PRKAB1: variants seen among roughly 807,000 people sequenced by gnomAD.
The protein encoded by PRKAB1 is protein kinase AMP-activated non-catalytic subunit beta 1.
PRKAB1 carries 18 observed loss-of-function variants against 32.0 expected under a neutral mutation model. The ratio of observed to expected loss-of-function variants is 0.56; its 90% confidence interval spans 0.39 to 0.83. The LOEUF (loss-of-function observed/expected upper bound fraction) is 0.83, where lower values mean the gene tolerates loss of function less well. PRKAB1 is among the 40% of genes least tolerant of loss of function. PRKAB1 has a pLI of 0.00. For synonymous variants in PRKAB1, 141 were observed against 141.4 expected (o/e 1.00, Z 0.02); for missense variants, 263 against 352.6 (o/e 0.75, Z 2.03).
At chr12:119,673,444 C>G (rs531850689) in intron 2 of PRKAB1, among the ~76,000 whole-genome samples, 2 of 152,288 alleles carry the variant, frequency 1.3e-5, no homozygotes, top group East Asian at 3.9e-4. Flanking sequence ...GAGGGAGCCA[C>G]TCAGCACAGC....
chr12:119,675,355 C>T (rs1358356281), intron 4 of PRKAB1, among the ~76,000 whole-genome samples: 1 of 152,212 alleles, frequency 6.6e-6, no homozygotes, highest in African/African-American at 2.4e-5. Flanking sequence ...TCACAATGGG[C>T]TCACTGTGGT....
At position 119,680,532 on chromosome 12, in the gene PRKAB1, C is replaced by T. The variant is rs149235507; in HGVS notation, c.*207C>T. ...TCTGTGACAGTCCTCCTAGCACCCC[C>T]ATGGCTTTGAGCCTCGGGGACTCAT... On this transcript the variant is annotated 3_prime_UTR_variant, in exon 7 of 7. Transcript: ENST00000229328. The T allele has an allele frequency of 6.8e-6, 4 of 591,912 alleles. No homozygotes were observed. Among genetic ancestry groups the T allele is most frequent in the African/African-American group, 5.6e-5 (3 of 53,944 alleles). The allele number at this position is 591,912 out of a possible 1,614,324, so 36.7% of individuals were successfully genotyped here.
intron 2 of PRKAB1, chr12:119,673,685 A>T (rs1184063144): frequency 3.4e-6 from 1 of 292,748 alleles, no homozygotes; most frequent in East Asian, 6.5e-5. Flanking sequence ...CTTGAGACGC[A>T]CAAATGCCTG....
intron 5 of PRKAB1, chr12:119,678,010 C>CAAAGT (rs1400480837): frequency 6.6e-6 from 1 of 152,132 alleles, no homozygotes; most frequent in Non-Finnish European, 1.5e-5. Context: ...GTGATCCACC[C>CAAAGT]GCCTCGGCCT....
chr12:119,676,122 G>A (rs903035624), intron 4 of PRKAB1, among the ~76,000 whole-genome samples: 2 of 152,236 alleles, frequency 1.3e-5, no homozygotes, highest in African/African-American at 4.8e-5. Flanking sequence ...GTTGCATTGC[G>A]GCCGGGGGTG....
In PRKAB1 at chr12:119,679,968, C is replaced by T. The variant is rs746058942; in HGVS notation, c.702C>T (p.Val234=). The change falls in exon 6 of 7, where the codon GTC becomes GTT. Residue 234 remains valine (V), a synonymous_variant. Transcript: ENST00000229328. The surrounding 1 kb of genome is among the most constrained non-coding windows in gnomAD (Gnocchi z 4.1). The part of the protein sequence containing the change: ...DPALLPEPNH[V]MLNHLYALSI... ...CTTTGCTTCCTGAGCCCAATCACGT[C>T]ATGCTGAACCACCTATACGCGCTGT... 2.2e-5 allele frequency: 35 copies of T among 1,614,018 alleles called. No individual in the cohort carries two copies. Among genetic ancestry groups the T allele is most frequent in the Non-Finnish European group, 2.8e-5 (33 of 1,179,960 alleles).
At chr12:119,671,069 A>G (rs1340850719) in intron 1 of PRKAB1, among the ~76,000 whole-genome samples, 1 of 152,200 alleles carries the variant, frequency 6.6e-6, no homozygotes, top group East Asian at 1.9e-4. Flanking sequence ...ATTCTGGAAT[A>G]CCTCAGTTAT....
chr12:119,668,068 C>T (rs1565874184), upstream of PRKAB1: 1 of 760,558 alleles, frequency 1.3e-6, no homozygotes, highest in Non-Finnish European at 1.9e-6. Flanking sequence ...TGCGAGAGCT[C>T]GGCAACCCTG....
At chr12:119,673,830 G>A (rs1056412290) in intron 2 of PRKAB1, 134 bp from the exon 3 acceptor site, 1 of 674,256 alleles carries the variant, frequency 1.5e-6, no homozygotes, top group African/African-American at 1.8e-5. Context: ...GTCTAAATGG[G>A]CTAAAAATGT....
intron 5 of PRKAB1, 25 bp downstream of exon 5, chr12:119,676,695 A>G: frequency 6.2e-7 from 1 of 1,610,786 alleles, no homozygotes; most frequent in South Asian, 1.1e-5. Context: ...ATCTGCCCGG[A>G]CCATCCGCCG....
At chr12:119,675,603 A>G (rs1482385433) in intron 4 of PRKAB1, among the ~76,000 whole-genome samples, 6 of 152,348 alleles carry the variant, frequency 3.9e-5, no homozygotes, top group South Asian at 2.1e-4. Flanking sequence ...CACTGATACG[A>G]AGCTAATTCC....
chr12:119,676,889 T>G (rs1955430268), intron 5 of PRKAB1, among the ~76,000 whole-genome samples: 1 of 152,212 alleles, frequency 6.6e-6, no homozygotes, highest in Non-Finnish European at 1.5e-5. Flanking sequence ...TGCACTACTC[T>G]TCCTTGTCCT....
intron 4 of PRKAB1, among the ~76,000 whole-genome samples, chr12:119,675,222 G>A (rs1382542244): frequency 6.6e-6 from 1 of 152,180 alleles, no homozygotes; most frequent in Non-Finnish European, 1.5e-5. Context: ...AGAATATCTG[G>A]CGCCCTAAGA....
chr12:119,673,361 T>C (rs1344439470), intron 2 of PRKAB1, among the ~76,000 whole-genome samples: 1 of 152,228 alleles, frequency 6.6e-6, no homozygotes, highest in African/African-American at 2.4e-5. Context: ...TGAGTATTCT[T>C]GATAAAATGA....
chr12:119,673,865 G>A (rs1047488642), intron 2 of PRKAB1, 99 bp from the exon 3 acceptor site: 1 of 946,070 alleles, frequency 1.1e-6, no homozygotes, highest in Non-Finnish European at 1.6e-6. Flanking sequence ...CTGAACTCTT[G>A]GTTTTATGTG....
Position 119,680,272 on chromosome 12 carries a change from A to G in PRKAB1, c.760A>G (p.Thr254Ala), listed in dbSNP as rs748094351. Reference protein sequence around the residue: ...IKDGVMVLSATHRYKKKYVTT... With the variant: ...IKDGVMVLSAAHRYKKKYVTT... ...GGATGGAGTGATGGTGCTCAGCGCA[A>G]CCCACCGGTACAAGAAGAAGTACGT... The change falls in exon 7 of 7, where the codon ACC (threonine) becomes GCC (alanine). Residue 254 changes from threonine to alanine, a missense_variant. Physicochemically the swap from Thr to Ala is moderately conservative, Grantham distance 58. Transcript: ENST00000229328. The G allele has an allele frequency of 1.9e-6, 3 of 1,614,078 alleles. No individual in the cohort carries two copies. The highest frequency in any genetic ancestry group is 2.2e-5 in the South Asian group (2 of 91,080).
At position 119,668,388 on chromosome 12, in the gene PRKAB1, C is replaced by T. The variant is rs985649996; in HGVS notation, c.144C>T (p.His48=). ...MDSPEDADLF[H]SEEIKAPEKE... is the part of the protein sequence containing the mutation. ...GCCCCGAAGACGCCGACCTCTTCCA[C>T]TCCGAGGAAATCAAGGTGCGAGCGG... The change falls in exon 1 of 7, where the codon CAC becomes CAT. Residue 48 remains histidine (H), a synonymous_variant. Coordinates refer to ENST00000229328, the MANE Select transcript of PRKAB1 (RefSeq NM_006253.5). 3.1e-6 allele frequency: 5 copies of T among 1,613,246 alleles called. No individual in the cohort carries two copies. The African/African-American group carries it at 4.0e-5, about 13-fold the overall frequency.
intron 4 of PRKAB1, 78 bp from the exon 5 acceptor site, chr12:119,676,459 A>G: frequency 7.0e-7 from 1 of 1,425,010 alleles, no homozygotes; most frequent in Non-Finnish European, 9.6e-7. Context: ...AAGGAAAATG[A>G]GATGATGACA....
Position 119,675,159 on chromosome 12 carries a change from G to A in PRKAB1, c.532+705G>A, listed in dbSNP as rs376966798. Among the ~76,000 whole-genome samples the A allele has an allele frequency of 9.8e-5, 15 of 152,330 alleles. No homozygotes were observed. The East Asian group carries it at 2.3e-3, about 23-fold the overall frequency. ...CTAAAGTGTTCCCCTTCTTGGAGGC[G>A]GGGGCTTAACAATTCCTGGACTCTG... On this transcript the variant is annotated intron_variant, in intron 4 of 6. Coordinates refer to ENST00000229328, the MANE Select transcript of PRKAB1 (RefSeq NM_006253.5).
Sources: allele counts gnomAD v4.1 joint callset (sites outside exome capture counted in the v4.1 genomes callset), GRCh38; gene constraint gnomAD v4.1.1; non-coding constraint Gnocchi (gnomAD v3.1); transcripts MANE v1.5; gene names NCBI Gene and HGNC (gene_info 2026-07-23, HGNC 2026-07-21).